CDC42SE2: variants seen among roughly 807,000 people sequenced by gnomAD.
The protein encoded by CDC42SE2 is CDC42 small effector protein 2.
Under a neutral mutation model 11.5 loss-of-function variants are expected in CDC42SE2, and 3 were observed. That is an observed-to-expected ratio of 0.26 (90% CI 0.12 to 0.67). The LOEUF is 0.67. CDC42SE2 is among the 30% of genes least tolerant of loss of function. The pLI, the probability that CDC42SE2 is intolerant of heterozygous loss-of-function variation, is 0.80. For missense variants in CDC42SE2, 82 were observed against 106.8 expected (o/e 0.77, Z 1.02); for synonymous variants, 33 against 34.8 (o/e 0.95, Z 0.18).
At chr5:131,345,117 T>G (rs1402436263) in intron 2 of CDC42SE2, among the ~76,000 whole-genome samples, 2 of 152,196 alleles carry the variant, frequency 1.3e-5, no homozygotes, top group African/African-American at 4.8e-5. Flanking sequence ...ATGCAACTCC[T>G]TGCCAGCAAC....
chr5:131,237,690 T>G, the CDC42SE2 span, among the ~76,000 whole-genome samples: 1 of 152,178 alleles, frequency 6.6e-6, no homozygotes, highest in Non-Finnish European at 1.5e-5. Context: ...GCAATCCTCC[T>G]GCTCAGCCTC....
At chr5:131,389,279 A>G (rs529443369) in intron 4 of CDC42SE2, among the ~76,000 whole-genome samples, 42 of 152,328 alleles carry the variant, frequency 2.8e-4, no homozygotes, top group Non-Finnish European at 6.0e-4. Flanking sequence ...TTGAACTGGT[A>G]TCATATGACA....
At chr5:131,353,103 C>T (rs1282007846) in intron 2 of CDC42SE2, among the ~76,000 whole-genome samples, 1 of 151,946 alleles carries the variant, frequency 6.6e-6, no homozygotes, top group Non-Finnish European at 1.5e-5. Context: ...GTAGCTGATA[C>T]CACAAGTGCT....
At chr5:131,333,970 G>A (rs982963308) in intron 2 of CDC42SE2, among the ~76,000 whole-genome samples, 4 of 152,168 alleles carry the variant, frequency 2.6e-5, no homozygotes, top group Non-Finnish European at 5.9e-5. Flanking sequence ...TCTCCTGCCT[G>A]ATTGCCCTTG....
intron 1 of CDC42SE2, among the ~76,000 whole-genome samples, chr5:131,312,858 T>C (rs1757957301): frequency 6.6e-6 from 1 of 152,200 alleles, no homozygotes; most frequent in Non-Finnish European, 1.5e-5. Flanking sequence ...CCTAGTGAGA[T>C]GAACCCAGTA....
chr5:131,363,595 T>G (rs1373037832), intron 3 of CDC42SE2, among the ~76,000 whole-genome samples: 1 of 151,920 alleles, frequency 6.6e-6, no homozygotes, highest in Non-Finnish European at 1.5e-5. Flanking sequence ...CAGGCTGGTC[T>G]CGAACTCCTG....
chr5:131,327,592 T>A lies in CDC42SE2; in HGVS notation c.-286+11448T>A, dbSNP rs1034082490. ...ATTCTAAGTTTAAAGTTACTTTAAT[T>A]CAAAACTTTTAAAATACAGGTCAAG... On this transcript the variant is annotated intron_variant, in intron 2 of 4. Coordinates refer to ENST00000505065, the MANE Select transcript of CDC42SE2 (RefSeq NM_001375635.1). Among the ~76,000 whole-genome samples, 61 of 152,324 alleles carry A rather than the reference T, an allele frequency of 4.0e-4. 1 individual carries two copies. Among genetic ancestry groups the A allele is most frequent in the African/African-American group, 1.3e-3 (54 of 41,572 alleles).
intron 3 of CDC42SE2, among the ~76,000 whole-genome samples, chr5:131,363,280 A>AG (rs1749764562): frequency 6.8e-6 from 1 of 146,250 alleles, no homozygotes; most frequent in Non-Finnish European, 1.5e-5. Context: ...AAAAAAAAAA[A>AG]GCCACTTTTC....
chr5:131,356,585 G>A (rs1749554691), intron 2 of CDC42SE2, among the ~76,000 whole-genome samples: 1 of 152,132 alleles, frequency 6.6e-6, no homozygotes, highest in Non-Finnish European at 1.5e-5. Context: ...ATATATTTTA[G>A]CAGATCCATT....
In CDC42SE2 at chr5:131,394,391, C is replaced by T. The variant is rs959566622; in HGVS notation, c.*3300C>T. The T allele has an allele frequency of 3.9e-5, 6 of 152,292 alleles. No individual in the cohort carries two copies. Among genetic ancestry groups the T allele is most frequent in the African/African-American group, 7.2e-5 (3 of 41,428 alleles). The allele number at this position is 152,292 out of a possible 1,614,324, so 9.4% of individuals were successfully genotyped here. On this transcript the variant is annotated 3_prime_UTR_variant, in exon 5 of 5. Coordinates refer to ENST00000505065, the MANE Select transcript of CDC42SE2 (RefSeq NM_001375635.1). ...AACATTGGGTTTAGCATTTCCAGTG[C>T]AGCATTATCAGTGGGCCTTTAAAAA... is the stretch of plus-strand genomic sequence containing the variant.
rs185799391 is a variant in CDC42SE2 at position 131,379,508 on chromosome 5, G to A, written c.55-6035G>A. ...ATATACATATTGTTTAGATAAGGAT[G>A]CAAATAAGGTTCTCACAGTAGCAAA... On this transcript the variant is annotated intron_variant, in intron 3 of 4. Transcript: ENST00000505065. Among the ~76,000 whole-genome samples, 5 of 152,316 alleles carry A rather than the reference G, an allele frequency of 3.3e-5. No homozygotes were observed. The East Asian group carries it at 9.6e-4, about 29-fold the overall frequency.
chr5:131,322,207 A>G (rs1758206620), intron 2 of CDC42SE2, among the ~76,000 whole-genome samples: 1 of 152,042 alleles, frequency 6.6e-6, no homozygotes, highest in South Asian at 2.1e-4. Context: ...CATCTTATCC[A>G]TTTCTGAGTG....
intron 1 of CDC42SE2, among the ~76,000 whole-genome samples, chr5:131,270,043 G>C (rs1411482091): frequency 2.1e-5 from 3 of 145,078 alleles, no homozygotes; most frequent in African/African-American, 7.7e-5. Flanking sequence ...CCTGGGCGAT[G>C]GAGCAAGAGT....
intron 1 of CDC42SE2, among the ~76,000 whole-genome samples, chr5:131,286,821 G>C (rs1235908024): frequency 6.6e-6 from 1 of 150,870 alleles, no homozygotes; most frequent in Non-Finnish European, 1.5e-5. Flanking sequence ...ACATATACTA[G>C]ATACATGTTA....
At chr5:131,361,509 G>A (rs1379590140) in intron 3 of CDC42SE2, among the ~76,000 whole-genome samples, 1 of 152,124 alleles carries the variant, frequency 6.6e-6, no homozygotes, top group Non-Finnish European at 1.5e-5. Context: ...CAATGTCTAG[G>A]GATGAATCTT....
At chr5:131,307,592 C>CTGGGTCGGAT (rs1757806585) in intron 1 of CDC42SE2, among the ~76,000 whole-genome samples, 1 of 152,022 alleles carries the variant, frequency 6.6e-6, no homozygotes, top group African/African-American at 2.4e-5. Context: ...AGTAATGGGA[C>CTGGGTCGGAT]GGCTGGGTCA....
chr5:131,242,065 G>A (rs1482966424), upstream of CDC42SE2, among the ~76,000 whole-genome samples: 2 of 152,114 alleles, frequency 1.3e-5, no homozygotes, highest in Non-Finnish European at 2.9e-5. Context: ...TGAAAGCCTG[G>A]TATCTTATCA....
intron 1 of CDC42SE2, among the ~76,000 whole-genome samples, chr5:131,248,468 G>GA (rs2149682566): frequency 6.6e-6 from 1 of 152,242 alleles, no homozygotes; most frequent in Non-Finnish European, 1.5e-5. Flanking sequence ...GGAATGAGAT[G>GA]AAGATTCCCC....
intron 2 of CDC42SE2, among the ~76,000 whole-genome samples, chr5:131,353,354 TCACTGCAATCTC>T (rs1749410784): frequency 6.6e-6 from 1 of 151,568 alleles, no homozygotes; most frequent in Admixed American, 6.6e-5. Context: ...TGATCCCAGC[TCACTGCAATCTC>T]CACCTCCTTA....
Sources: gnomAD v4.1 joint callset for allele counts (sites outside exome capture counted in the v4.1 genomes callset) on GRCh38, gnomAD v4.1.1 for gene constraint, MANE v1.5 for transcripts, NCBI Gene and HGNC (gene_info 2026-07-23, HGNC 2026-07-21) for gene names.